The following RBFOX2 variants were observed in gnomAD, a reference collection of about 807,000 sequenced individuals.
RBFOX2 encodes the protein RNA binding protein fox-1 homolog 2.
RBFOX2 carries 10 observed loss-of-function variants against 49.1 expected under a neutral mutation model. That is an observed-to-expected ratio of 0.20 (90% CI 0.13 to 0.35). RBFOX2 has a LOEUF of 0.35. Ranked by LOEUF, RBFOX2 falls within the 10% of genes least tolerant of loss-of-function variation. The pLI is 1.00. For missense variants in RBFOX2, 323 were observed against 486.9 expected, an observed-to-expected ratio of 0.66 and a Z score of 3.17; for synonymous variants, 183 against 187.4, an observed-to-expected ratio of 0.98 and a Z score of 0.19.
At chr22:35,854,985 C>G (rs1269897365) in intron 1 of RBFOX2, among the ~76,000 whole-genome samples, 1 of 152,034 alleles carries the variant, frequency 6.6e-6, no homozygotes, top group Admixed American at 6.5e-5. Context: ...AATAATGTAG[C>G]CTCAGTTATT....
chr22:35,977,832 C>T (rs1011063625), intron 1 of RBFOX2, among the ~76,000 whole-genome samples: 2 of 146,716 alleles, frequency 1.4e-5, no homozygotes, highest in African/African-American at 2.5e-5. Context: ...AAAGCCCTGT[C>T]CCCCTTCCGT....
intron 1 of RBFOX2, among the ~76,000 whole-genome samples, chr22:36,021,695 G>A (rs2059253996): frequency 6.6e-6 from 1 of 152,160 alleles, no homozygotes; most frequent in Admixed American, 6.5e-5. Flanking sequence ...TTGAGTAAAT[G>A]ACTTCCCAAA....
At chr22:35,787,843 C>T (rs553900908) in intron 2 of RBFOX2, among the ~76,000 whole-genome samples, 5 of 152,292 alleles carry the variant, frequency 3.3e-5, no homozygotes, top group African/African-American at 1.2e-4. Context: ...AACGTATCCA[C>T]TGGGCAAGGC....
intron 1 of RBFOX2, among the ~76,000 whole-genome samples, chr22:35,907,687 G>A (rs892666207): frequency 4.6e-5 from 7 of 151,496 alleles, no homozygotes; most frequent in Non-Finnish European, 8.8e-5. Flanking sequence ...TCGCTCCGTC[G>A]CGCAGGCTGG....
At chr22:35,934,090 A>G (rs1343520976) in intron 1 of RBFOX2, among the ~76,000 whole-genome samples, 1 of 151,654 alleles carries the variant, frequency 6.6e-6, no homozygotes, top group Non-Finnish European at 1.5e-5. Flanking sequence ...ACCGGGCAAG[A>G]AGGGAAAACC....
intron 1 of RBFOX2, among the ~76,000 whole-genome samples, chr22:36,017,105 C>T (rs921635707): frequency 5.9e-5 from 9 of 152,200 alleles, no homozygotes; most frequent in Non-Finnish European, 8.8e-5. Context: ...TTCTATGAAT[C>T]TATCGCCAAG....
chr22:35,897,956 G>A (rs755916177), intron 1 of RBFOX2: 2 of 774,574 alleles, frequency 2.6e-6, no homozygotes, highest in Non-Finnish European at 4.6e-6. Flanking sequence ...GCAATTGCTT[G>A]GGGAATCTTC....
At chr22:35,883,839 T>C (rs1471297655) in intron 1 of RBFOX2, among the ~76,000 whole-genome samples, 1 of 152,102 alleles carries the variant, frequency 6.6e-6, no homozygotes, top group East Asian at 1.9e-4. Flanking sequence ...TAAGACCTCG[T>C]GACAATCGCC....
chr22:35,987,206 T>C (rs1001761002), intron 1 of RBFOX2, among the ~76,000 whole-genome samples: 6 of 152,242 alleles, frequency 3.9e-5, no homozygotes, highest in Admixed American at 6.5e-5. Flanking sequence ...ATACCAAGAA[T>C]GCATTAACTT....
intron 9 of RBFOX2, among the ~76,000 whole-genome samples, chr22:35,750,818 C>T (rs1934627608): frequency 6.6e-6 from 1 of 152,208 alleles, no homozygotes; most frequent in Admixed American, 6.5e-5. Context: ...AAAATATTTC[C>T]TGTGTTTAGG....
chr22:35,895,057 TCAC>T (rs2047674280), intron 1 of RBFOX2, among the ~76,000 whole-genome samples: 2 of 151,384 alleles, frequency 1.3e-5, no homozygotes, highest in Admixed American at 1.3e-4. Flanking sequence ...CTCCTCCCTC[TCAC>T]CCTCCCTCCG....
intron 1 of RBFOX2, among the ~76,000 whole-genome samples, chr22:35,911,914 C>T (rs1419078512): frequency 6.6e-6 from 1 of 152,166 alleles, no homozygotes; most frequent in Non-Finnish European, 1.5e-5. Context: ...CATCTCTAAA[C>T]CTCAACAACA....
At chr22:35,810,224 C>CAT (rs1569213647) in intron 1 of RBFOX2, among the ~76,000 whole-genome samples, 1 of 134,910 alleles carries the variant, frequency 7.4e-6, no homozygotes, top group African/African-American at 2.8e-5. Flanking sequence ...CACACACACA[C>CAT]TCACTTTTGT....
At chr22:35,942,850 C>T (rs945229363), upstream of RBFOX2, among the ~76,000 whole-genome samples, 1 of 152,034 alleles carries the variant, frequency 6.6e-6, no homozygotes. Flanking sequence ...CATGTTTTAC[C>T]CAAATTTTAC....
Position 36,024,022 on chromosome 22 carries a change from T to A in RBFOX2, c.186+4218A>T, listed in dbSNP as rs148542124. Among the ~76,000 whole-genome samples the A allele has an allele frequency of 9.3e-3, 1,424 of 152,300 alleles. 23 individuals carry two copies. The highest frequency in any genetic ancestry group is 0.033 in the African/African-American group (1,367 of 41,550). On this transcript the variant is annotated intron_variant, in intron 1 of 13. Coordinates refer to the RBFOX2 transcript ENST00000438146. ...GGAATCTAACGCTTAGCACTACAGC[T>A]CCATTTAGTAAGCAGCCTTGGGAAT...
At chr22:35,953,210 CAAAAAAAAAAAAAAA>C (rs34387129) in intron 1 of RBFOX2, among the ~76,000 whole-genome samples, 1 of 22,418 alleles carries the variant, frequency 4.5e-5, no homozygotes, top group Non-Finnish European at 8.9e-5. Flanking sequence ...GACTCCATCT[CAAAAAAAAAAAAAAA>C]AAAAAAAAAG....
intron 1 of RBFOX2, among the ~76,000 whole-genome samples, chr22:36,011,284 C>A (rs933480346): frequency 6.6e-6 from 1 of 152,086 alleles, no homozygotes; most frequent in South Asian, 2.1e-4. Context: ...TAAAAGGTAG[C>A]AACATCAGGT....
chr22:35,987,985 T>C (rs996481228), intron 1 of RBFOX2, among the ~76,000 whole-genome samples: 1 of 152,030 alleles, frequency 6.6e-6, no homozygotes, highest in African/African-American at 2.4e-5. Flanking sequence ...TTTGGTGAGG[T>C]TGGGGCAACA....
chr22:35,765,296 G>A, intron 6 of RBFOX2, 127 bp downstream of exon 7: 2 of 663,106 alleles, frequency 3.0e-6, no homozygotes, highest in South Asian at 4.2e-5. Flanking sequence ...ACTCTCCCAG[G>A]TAAAGAGACT....
Sources: gnomAD v4.1 joint callset for allele counts (sites outside exome capture counted in the v4.1 genomes callset) on GRCh38, gnomAD v4.1.1 for gene constraint, MANE v1.5 for transcripts, NCBI Gene and HGNC (gene_info 2026-07-23, HGNC 2026-07-21) for gene names.